The following MAP3K9 variants were observed in gnomAD, a reference collection of about 807,000 sequenced individuals.
The protein encoded by MAP3K9 is mitogen-activated protein kinase kinase kinase 9.
MAP3K9 carries 46 observed loss-of-function variants against 95.8 expected under a neutral mutation model. The observed-to-expected ratio is 0.48, with a 90% CI of 0.38 to 0.61. The LOEUF (loss-of-function observed/expected upper bound fraction) is 0.61. Ranked by LOEUF, MAP3K9 falls within the 20% of genes least tolerant of loss-of-function variation. The probability of loss-of-function intolerance (pLI) is 0.00; values close to 1 mark genes in which losing one functional copy is unlikely to be tolerated. For missense variants in MAP3K9, 1,296 were observed against 1,474.3 expected, an observed-to-expected ratio of 0.88 and a Z score of 1.98; for synonymous variants, 533 against 593.8, an observed-to-expected ratio of 0.90 and a Z score of 1.49.
intron 2 of MAP3K9, among the ~76,000 whole-genome samples, chr14:70,763,884 T>TA (rs1213794701): frequency 2.7e-5 from 4 of 150,120 alleles, no homozygotes; most frequent in East Asian, 4.0e-4. Flanking sequence ...TCTACTTATG[T>TA]AAAAAAAAGT....
intron 7 of MAP3K9, among the ~76,000 whole-genome samples, chr14:70,739,215 C>T (rs983146740): frequency 9.2e-5 from 14 of 152,202 alleles, no homozygotes; most frequent in Non-Finnish European, 1.5e-4. Flanking sequence ...CTGCAACCTC[C>T]GCCTCCTGCA....
Position 70,730,192 on chromosome 14 carries a change from G to T in MAP3K9, c.*188C>A. On this transcript the variant is annotated 3_prime_UTR_variant, in exon 12 of 12. Transcript: ENST00000554752. ...ACAGCCCCTCCAGTGGACACGGGTAGAAAGGCCCTGCAGGGCAGGAGACCC... is the reference window on the plus strand; with the variant it reads ...ACAGCCCCTCCAGTGGACACGGGTATAAAGGCCCTGCAGGGCAGGAGACCC... 1.2e-6 allele frequency: 1 copy of T among 814,432 alleles called. No homozygotes were observed. The allele number at this position is 814,432 out of a possible 1,614,324, so 50.5% of individuals were successfully genotyped here. A position where few individuals can be genotyped will look rare whatever the true frequency, so the allele number is the denominator to read the frequency against.
chr14:70,733,608 A>T (rs1001429933), intron 10 of MAP3K9: 1 of 646,654 alleles, frequency 1.5e-6, no homozygotes, highest in African/African-American at 1.8e-5. Context: ...TTCTTTCATA[A>T]GGGATCTGTG....
In MAP3K9 at chr14:70,732,860, G is replaced by A. The variant is rs2053928132; in HGVS notation, c.2509C>T (p.Leu837Phe). 1 of 1,613,822 alleles carries A rather than the reference G, an allele frequency of 6.2e-7. No individual in the cohort carries two copies. Among genetic ancestry groups the A allele is most frequent in the Non-Finnish European group, 8.5e-7 (1 of 1,179,880 alleles). Residue 837 changes from leucine to phenylalanine, a missense_variant, in exon 11 of 12, where the codon CTC (leucine) becomes TTC (phenylalanine). By Grantham distance (22) the Leu-to-Phe change is conservative (BLOSUM62 0). This residue lies in a region of MAP3K9 where 433 missense variants were observed against 441.4 expected (regional missense o/e 0.98). Coordinates refer to ENST00000554752, the MANE Select transcript of MAP3K9 (RefSeq NM_001284230.2). ...DPSASLTLLS[L>F]SSISECNSTR... ...GAGTTGCACTCGGAGATGGAGGAGAGGGAGAGCAGCGTCAGGGAGGCAGAG... is the reference window on the plus strand; with the variant it reads ...GAGTTGCACTCGGAGATGGAGGAGAAGGAGAGCAGCGTCAGGGAGGCAGAG...
At chr14:70,806,570 T>G (rs559627254) in intron 1 of MAP3K9, among the ~76,000 whole-genome samples, 1 of 152,346 alleles carries the variant, frequency 6.6e-6, no homozygotes, top group South Asian at 2.1e-4. Context: ...GGTTCCAGAT[T>G]TAGGAATCCA....
Position 70,740,073 on chromosome 14 carries a change from G to A in MAP3K9, c.1659C>T (p.Pro553=), listed in dbSNP as rs2054048165. The A allele has an allele frequency of 6.2e-7, 1 of 1,614,046 alleles. No homozygotes were observed. Among genetic ancestry groups the A allele is most frequent in the Non-Finnish European group, 8.5e-7 (1 of 1,180,028 alleles). Residue 553 remains proline (P), a synonymous_variant, in exon 7 of 12, where the codon CCC becomes CCT. Transcript: ENST00000554752. ...TGGCTCGAAGGCGAGGAATGATGGT[G>A]GGGCTTGCAGGAGGACTGGAGCGGC... ...INSRSSPPAS[P]TIIPRLRAIQ...
chr14:70,736,020 C>G lies in MAP3K9; in HGVS notation c.1854G>C (p.Gln618His). The part of the protein sequence containing the change: ...ELASGDEGSP[Q>H]RREKANGLST... The stretch of plus-strand genomic sequence containing the variant: ...TTAAACCATTAGCTTTCTCACGTCT[C>G]TGAGGGGATCTTCAATGAATAAAGA... The change falls in exon 9 of 12, where the codon CAG (glutamine) becomes CAC (histidine). Residue 618 changes from glutamine (Q) to histidine (H), a missense_variant. Gln to His is a conservative substitution (Grantham distance 24). Around this residue, in one of 5 missense-constraint regions of MAP3K9, gnomAD observed 377 missense variants for 417.1 expected, o/e 0.90. Coordinates refer to ENST00000554752, the MANE Select transcript of MAP3K9 (RefSeq NM_001284230.2). 1 of 1,611,502 alleles carries G rather than the reference C, an allele frequency of 6.2e-7. No individual in the cohort carries two copies. The highest frequency in any genetic ancestry group is 8.5e-7 in the Non-Finnish European group (1 of 1,177,698).
chr14:70,733,778 C>A, intron 10 of MAP3K9: 1 of 718,468 alleles, frequency 1.4e-6, no homozygotes, highest in Non-Finnish European at 2.6e-6. Context: ...ATGGGCACCA[C>A]CCAACTGGCT....
chr14:70,783,473 C>T, intron 2 of MAP3K9: 1 of 856,214 alleles, frequency 1.2e-6, no homozygotes, highest in Non-Finnish European at 1.4e-6. Context: ...CTCTTTGTCC[C>T]CTCCCCTTTC....
intron 2 of MAP3K9, among the ~76,000 whole-genome samples, chr14:70,780,892 G>A (rs940508096): frequency 2.6e-5 from 4 of 152,234 alleles, no homozygotes; most frequent in Admixed American, 2.6e-4. Flanking sequence ...TTTGTCAACA[G>A]AAAGCAGTTC....
intron 2 of MAP3K9, among the ~76,000 whole-genome samples, chr14:70,776,790 G>C (rs750527328): frequency 6.6e-6 from 1 of 150,924 alleles, no homozygotes; most frequent in Non-Finnish European, 1.5e-5. Flanking sequence ...TAAGACACTA[G>C]GCTATAAAAA....
rs566014377 is a variant in MAP3K9, at chr14:70,795,484, G to A, written c.820+5183C>T. Among the ~76,000 whole-genome samples the A allele has an allele frequency of 2.0e-4, 30 of 150,508 alleles. 1 individual carries two copies. The Middle Eastern group carries it at 0.01, about 53-fold the overall frequency. ...CCACCACACCCAGCTAGATTTTATT[G>A]TATTTTTTGCAGAGATGGGATTTTG... On this transcript the variant is annotated intron_variant, in intron 2 of 11. Transcript: ENST00000554752.
intron 2 of MAP3K9, among the ~76,000 whole-genome samples, chr14:70,782,150 C>T (rs2054686156): frequency 6.6e-6 from 1 of 152,182 alleles, no homozygotes; most frequent in South Asian, 2.1e-4. Flanking sequence ...CACGCTGCCC[C>T]CTACTACATC....
chr14:70,725,818 C>T lies in MAP3K9; in HGVS notation c.*4562G>A, dbSNP rs2053812524. 1 of 137,140 alleles carries T rather than the reference C, an allele frequency of 7.3e-6. No homozygotes were observed. Among genetic ancestry groups the T allele is most frequent in the Admixed American group, 7.6e-5 (1 of 13,180 alleles). The allele number at this position is 137,140 out of a possible 1,614,324, so 8.5% of individuals were successfully genotyped here. ...TATTCGACTGTTTTTGACGTAAAAC[C>T]GTACGTATATTTCACACACACACAC... On this transcript the variant is annotated 3_prime_UTR_variant, in exon 12 of 12. Transcript: ENST00000554752.
At chr14:70,765,766 A>C (rs377046859) in intron 2 of MAP3K9, among the ~76,000 whole-genome samples, 1 of 124,746 alleles carries the variant, frequency 8.0e-6, no homozygotes, top group Non-Finnish European at 1.8e-5. Context: ...AAAAACAAAA[A>C]AAAAAAAACA....
At chr14:70,790,763 C>T (rs984382797) in intron 2 of MAP3K9, among the ~76,000 whole-genome samples, 12 of 152,110 alleles carry the variant, frequency 7.9e-5, no homozygotes, top group Non-Finnish European at 1.0e-4. Context: ...AAGGGGACTC[C>T]ACAGTAAAGA....
chr14:70,758,245 G>C (rs1165976121), intron 3 of MAP3K9, among the ~76,000 whole-genome samples: 1 of 152,066 alleles, frequency 6.6e-6, no homozygotes, highest in Non-Finnish European at 1.5e-5. Flanking sequence ...TATTTCTTCA[G>C]GTTCAGAGAT....
At chr14:70,753,803 A>G (rs1419579604) in intron 3 of MAP3K9, among the ~76,000 whole-genome samples, 1 of 151,972 alleles carries the variant, frequency 6.6e-6, no homozygotes, top group Non-Finnish European at 1.5e-5. Flanking sequence ...AATCCCTTCA[A>G]CCATTTCCTA....
intron 2 of MAP3K9, among the ~76,000 whole-genome samples, chr14:70,792,305 A>G (rs1365761901): frequency 1.3e-5 from 2 of 151,956 alleles, no homozygotes; most frequent in African/African-American, 4.8e-5. Context: ...TCATCCTCCA[A>G]CTCTCTGTTA....
Sources: allele counts gnomAD v4.1 joint callset (sites outside exome capture counted in the v4.1 genomes callset), GRCh38; gene constraint gnomAD v4.1.1; regional missense constraint gnomAD v4.1.1; transcripts MANE v1.5; gene names NCBI Gene and HGNC (gene_info 2026-07-23, HGNC 2026-07-21).